The following METTL4 variants were observed in gnomAD, a reference collection of about 807,000 sequenced individuals.
METTL4 encodes N(6)-adenine-specific methyltransferase METTL4.
Under a neutral mutation model 54.0 loss-of-function variants are expected in METTL4, and 40 were observed. The ratio of observed to expected loss-of-function variants is 0.74; its 90% CI spans 0.58 to 0.96. The LOEUF is 0.96. Ranked by LOEUF, METTL4 falls within the 50% of genes least tolerant of loss-of-function variation. The probability of loss-of-function intolerance (pLI) is 0.00; values close to 1 mark genes in which losing one functional copy is unlikely to be tolerated. For synonymous variants in METTL4, 169 were observed against 183.8 expected, an observed-to-expected ratio of 0.92 and a Z score of 0.65; for missense variants, 525 against 549.0, an observed-to-expected ratio of 0.96 and a Z score of 0.44.
At chr18:2,540,425 G>T (rs1420817099) in intron 8 of METTL4, 28 of 982,682 alleles carry the variant, frequency 2.8e-5, no homozygotes, top group African/African-American at 3.5e-5. Context: ...GACAGGTAAG[G>T]TTTAAAAGAG....
intron 3 of METTL4, among the ~76,000 whole-genome samples, chr18:2,562,646 T>G (rs770149510): frequency 6.6e-6 from 1 of 152,214 alleles, no homozygotes; most frequent in Non-Finnish European, 1.5e-5. Flanking sequence ...GAAGACATTA[T>G]GCTAAATGAA....
At chr18:2,541,646 G>A (rs1036805192) in intron 8 of METTL4, among the ~76,000 whole-genome samples, 1 of 151,492 alleles carries the variant, frequency 6.6e-6, no homozygotes, top group Non-Finnish European at 1.5e-5. Flanking sequence ...TCTTTCAATC[G>A]GAGAAAATTT....
intron 5 of METTL4, among the ~76,000 whole-genome samples, chr18:2,547,774 C>T (rs949429819): frequency 7.2e-5 from 11 of 151,990 alleles, no homozygotes; most frequent in African/African-American, 2.7e-4. Context: ...CTTCTAAATG[C>T]ATTACATTTC....
intron 1 of METTL4, among the ~76,000 whole-genome samples, chr18:2,567,855 T>C (rs116680364): frequency 3.3e-5 from 5 of 152,274 alleles, no homozygotes; most frequent in African/African-American, 9.6e-5. Context: ...AATGGAGTAA[T>C]AAGGTAAAAA....
intron 6 of METTL4, among the ~76,000 whole-genome samples, chr18:2,545,114 C>T (rs2072052115): frequency 6.6e-6 from 1 of 151,996 alleles, no homozygotes; most frequent in South Asian, 2.1e-4. Flanking sequence ...TTTGGACTAG[C>T]CACATTTCAA....
chr18:2,553,744 C>T (rs918046727), intron 4 of METTL4: 12 of 152,068 alleles, frequency 7.9e-5, no homozygotes, highest in African/African-American at 2.9e-4. Context: ...TGTACAATCT[C>T]ATAAGTAATC....
intron 2 of METTL4, among the ~76,000 whole-genome samples, chr18:2,566,260 G>A (rs1192039371): frequency 6.6e-6 from 1 of 151,916 alleles, no homozygotes; most frequent in African/African-American, 2.4e-5. Flanking sequence ...GATTGCACCA[G>A]TGTGAATATA....
In METTL4 at chr18:2,567,379, T is replaced by C. The variant is rs2072437658; in HGVS notation, c.-163A>G. 5 of 516,882 alleles carry C rather than the reference T, an allele frequency of 9.7e-6. No individual in the cohort carries two copies. Among genetic ancestry groups the C allele is most frequent in the Non-Finnish European group, 1.3e-5 (4 of 300,762 alleles). The allele number at this position is 516,882 out of a possible 1,614,324, so 32.0% of individuals were successfully genotyped here. ...AACCTGACATGCACATTGAAGAGAA[T>C]TTATCATTCATGATGTTAATATATA... On this transcript the variant is annotated 5_prime_UTR_variant, in exon 2 of 9. Coordinates refer to ENST00000574538, the MANE Select transcript of METTL4 (RefSeq NM_022840.5).
chr18:2,560,048 C>A (rs1173256586), intron 3 of METTL4, among the ~76,000 whole-genome samples: 1 of 152,022 alleles, frequency 6.6e-6, no homozygotes, highest in African/African-American at 2.4e-5. Flanking sequence ...CTGAAATGAA[C>A]ACATTTCTTA....
chr18:2,549,577 T>C lies in METTL4; in HGVS notation c.900-2048A>G, dbSNP rs545440037. Among the ~76,000 whole-genome samples the C allele has an allele frequency of 1.4e-4, 21 of 152,230 alleles. No homozygotes were observed. In the East Asian group the frequency reaches 4.1e-3, roughly 29 times the overall value. On this transcript the variant is annotated intron_variant, in intron 5 of 8. Transcript: ENST00000574538. ...GACTCCAATGAGACTTTTACCACTA[T>C]GCCTACTCTGAAAAAAGTAAATGAC...
chr18:2,552,633 A>C, intron 5 of METTL4, 62 bp downstream of exon 5: 1 of 1,068,958 alleles, frequency 9.4e-7, no homozygotes, highest in Non-Finnish European at 1.4e-6. Context: ...ATAGTATATT[A>C]AACTATAATG....
At chr18:2,543,471 C>T (rs1217583580) in intron 8 of METTL4, among the ~76,000 whole-genome samples, 1 of 152,166 alleles carries the variant, frequency 6.6e-6, no homozygotes, top group South Asian at 2.1e-4. Flanking sequence ...GCTTCTATCA[C>T]ATGCTACGGA....
At position 2,567,673 on chromosome 18, in the gene METTL4, C is replaced by T. The variant is rs1169530723; in HGVS notation, c.-438-19G>A. ...AAGTAGCCTGTAAAAGCAAAGAACA[C>T]TACATTAGCTACGTGAATTCACCCT... On this transcript the variant is annotated intron_variant, in intron 1 of 8. Coordinates refer to ENST00000574538, the MANE Select transcript of METTL4 (RefSeq NM_022840.5). 1 of 153,162 alleles carries T rather than the reference C, an allele frequency of 6.5e-6. No individual in the cohort carries two copies. Among genetic ancestry groups the T allele is most frequent in the Non-Finnish European group, 1.5e-5 (1 of 68,858 alleles). 9.5% of individuals were successfully genotyped at this position (153,162 alleles called of 1,614,324 possible). A position where few individuals can be genotyped will look rare whatever the true frequency, so the allele number is the denominator to read the frequency against.
intron 3 of METTL4, among the ~76,000 whole-genome samples, chr18:2,559,429 A>G (rs1438200847): frequency 6.8e-6 from 1 of 147,464 alleles, no homozygotes; most frequent in Non-Finnish European, 1.5e-5. Flanking sequence ...AATACTAGTT[A>G]CCAGGCAGCA....
intron 5 of METTL4, among the ~76,000 whole-genome samples, chr18:2,549,054 ACT>A (rs1228988053): frequency 1.3e-5 from 2 of 152,260 alleles, no homozygotes; most frequent in Admixed American, 6.5e-5. Context: ...CCTTGACCAA[ACT>A]CTCTCTTAGC....
Position 2,565,744 on chromosome 18 carries a change from G to A in METTL4, c.396+1077C>T, listed in dbSNP as rs369905997. On this transcript the variant is annotated intron_variant, in intron 2 of 8. Transcript: ENST00000574538. ...ATAGAAAGAGCTCAAACGTTTGTTC[G>A]GTGAGTAATGAATGTTAATCCTATC... 7.2e-5 allele frequency among the ~76,000 whole-genome samples: 11 copies of A among 152,138 alleles called. No homozygotes were observed. The East Asian group carries it at 9.7e-4, about 13-fold the overall frequency.
Position 2,537,662 on chromosome 18 carries a change from C to A in METTL4, c.*1338G>T, listed in dbSNP as rs187475571. 7.8e-6 allele frequency: 3 copies of A among 385,918 alleles called. No homozygotes were observed. In the East Asian group the frequency reaches 1.1e-4, roughly 14 times the overall value. 23.9% of individuals were successfully genotyped at this position (385,918 alleles called of 1,614,324 possible). A position where few individuals can be genotyped will look rare whatever the true frequency, so the allele number is the denominator to read the frequency against. On this transcript the variant is annotated 3_prime_UTR_variant, in exon 9 of 9. Transcript: ENST00000574538. The stretch of plus-strand genomic sequence containing the variant: ...AAGGATGAACAAACTTCAAAAATAA[C>A]ATATTTTTCTTTGACAAAATCAGTA...
intron 5 of METTL4, among the ~76,000 whole-genome samples, chr18:2,549,250 G>T (rs28636828): frequency 6.6e-6 from 1 of 152,054 alleles, no homozygotes; most frequent in African/African-American, 2.4e-5. Context: ...AGTCCCATAT[G>T]CTAGTATCTT....
intron 5 of METTL4, among the ~76,000 whole-genome samples, chr18:2,551,554 G>A (rs774217947): frequency 2.0e-5 from 3 of 152,142 alleles, no homozygotes; most frequent in Non-Finnish European, 4.4e-5. Flanking sequence ...TTAAATAGCC[G>A]AGTGTAGTGG....
Sources: gnomAD v4.1 joint callset for allele counts (sites outside exome capture counted in the v4.1 genomes callset) on GRCh38, gnomAD v4.1.1 for gene constraint, MANE v1.5 for transcripts, NCBI Gene and HGNC (gene_info 2026-07-23, HGNC 2026-07-21) for gene names.